Variants in RGS21 observed in about 807,000 individuals in gnomAD.
The protein encoded by RGS21 is regulator of G-protein signalling 21.
A neutral mutation model predicts 18.7 loss-of-function variants in RGS21; 19 were observed. The observed-to-expected ratio is 1.01, with a 90% CI of 0.71 to 1.49. The LOEUF is 1.49. Among genes scored for constraint, RGS21 ranks in the 40% most tolerant of loss-of-function variants. The pLI is 0.00. For synonymous variants in RGS21, 56 were observed against 57.8 expected (o/e 0.97, Z 0.14); for missense variants, 194 against 176.8 (o/e 1.10, Z -0.55).
At chr1:192,350,533 C>CAGCT (rs1659026731) in intron 3 of RGS21, among the ~76,000 whole-genome samples, 2 of 152,264 alleles carry the variant, frequency 1.3e-5, no homozygotes, top group East Asian at 3.9e-4. Flanking sequence ...AGGAAAGGAG[C>CAGCT]AGCTGCTTGG....
intron 4 of RGS21, among the ~76,000 whole-genome samples, chr1:192,363,965 T>G (rs1321089148): frequency 6.6e-6 from 1 of 152,184 alleles, no homozygotes. Context: ...CAGCATCTTG[T>G]ACATAACAGA....
intron 4 of RGS21, among the ~76,000 whole-genome samples, chr1:192,361,369 G>C (rs886683913): frequency 2.6e-5 from 4 of 151,990 alleles, no homozygotes; most frequent in Non-Finnish European, 5.9e-5. Context: ...GACCTGTGGA[G>C]AATAAAAAAT....
At chr1:192,346,628 T>C (rs970824378) in intron 2 of RGS21, among the ~76,000 whole-genome samples, 3 of 152,146 alleles carry the variant, frequency 2.0e-5, no homozygotes, top group African/African-American at 7.2e-5. Flanking sequence ...TTATGATTTC[T>C]ACATCACATC....
At chr1:192,347,433 A>AATT in intron 3 of RGS21, 44 bp downstream of exon 3, 1 of 902,354 alleles carries the variant, frequency 1.1e-6, no homozygotes, top group Non-Finnish European at 1.8e-6. Context: ...ATAATTAAAT[A>AATT]TAAATTATTA....
intron 4 of RGS21, among the ~76,000 whole-genome samples, chr1:192,360,556 T>A (rs572955740): frequency 3.7e-4 from 56 of 152,206 alleles, no homozygotes; most frequent in African/African-American, 1.3e-3. Flanking sequence ...AATTTTTCTT[T>A]CTTTCACCCA....
chr1:192,345,516 A>G (rs910972948), intron 2 of RGS21, among the ~76,000 whole-genome samples: 2 of 152,086 alleles, frequency 1.3e-5, no homozygotes, highest in Admixed American at 6.6e-5. Context: ...TATTTCATAG[A>G]CCAGGCACAC....
intron 4 of RGS21, among the ~76,000 whole-genome samples, chr1:192,356,548 GGA>G (rs1659115083): frequency 6.6e-6 from 1 of 151,732 alleles, no homozygotes; most frequent in African/African-American, 2.4e-5. Context: ...CTACCTGGAA[GGA>G]TATGATGATT....
chr1:192,341,113 C>T (rs1002778044), intron 1 of RGS21, among the ~76,000 whole-genome samples: 4 of 152,134 alleles, frequency 2.6e-5, no homozygotes, highest in South Asian at 2.1e-4. Flanking sequence ...AGGCCACCTA[C>T]GTTCCTTGGC....
chr1:192,322,054 C>G (rs896469747), intron 1 of RGS21, among the ~76,000 whole-genome samples: 1 of 152,090 alleles, frequency 6.6e-6, no homozygotes, highest in East Asian at 1.9e-4. Context: ...ACAAGTGGAA[C>G]GGCTAATCTA....
At chr1:192,320,120 A>G (rs1219759966) in intron 1 of RGS21, among the ~76,000 whole-genome samples, 3 of 152,104 alleles carry the variant, frequency 2.0e-5, no homozygotes, top group Non-Finnish European at 4.4e-5. Context: ...GTAACAACAC[A>G]CACTGGGGCT....
rs185336133 is a variant in RGS21, at chr1:192,327,685, C to T, written c.-61+10580C>T. Among the ~76,000 whole-genome samples, 45 of 152,110 alleles carry T rather than the reference C, an allele frequency of 3.0e-4. No individual in the cohort carries two copies. In the East Asian group the frequency reaches 6.0e-3, roughly 20 times the overall value. ...ACAGGGTTTCACCATGTTGGCCAGG[C>T]TGGTCTTGAACTCCTGACCTCACGT... On this transcript the variant is annotated intron_variant, in intron 1 of 4. Transcript: ENST00000417209.
At chr1:192,333,584 G>C (rs12127977) in intron 1 of RGS21, among the ~76,000 whole-genome samples, 20,965 of 139,908 alleles carry the variant, frequency 0.15, 1,611 homozygotes, top group South Asian at 0.25. Context: ...ATCTCAAAAG[G>C]TCATGTAAGG....
chr1:192,356,021 T>C (rs1232065891), intron 4 of RGS21, among the ~76,000 whole-genome samples: 1 of 151,730 alleles, frequency 6.6e-6, no homozygotes, highest in Non-Finnish European at 1.5e-5. Context: ...AACACATTGG[T>C]AGTTTTTTAA....
At chr1:192,337,433 G>A (rs182685643) in intron 1 of RGS21, among the ~76,000 whole-genome samples, 1 of 151,568 alleles carries the variant, frequency 6.6e-6, no homozygotes, top group East Asian at 1.9e-4. Flanking sequence ...TGTGTACATA[G>A]ATTTCAGTTA....
In RGS21 at chr1:192,328,292, C is replaced by T. The variant is rs1281355309; in HGVS notation, c.-61+11187C>T. On this transcript the variant is annotated intron_variant, in intron 1 of 4. Transcript: ENST00000417209. ...ATTTCATATGTAAAATATATCACCT[C>T]AATTTACAGGATAGGAGGTATAAGA... Among the ~76,000 whole-genome samples the T allele has an allele frequency of 1.3e-5, 2 of 152,084 alleles. 1 individual carries two copies. Among genetic ancestry groups the T allele is most frequent in the Non-Finnish European group, 2.9e-5 (2 of 68,028 alleles).
At chr1:192,359,802 A>G (rs1392417322) in intron 4 of RGS21, among the ~76,000 whole-genome samples, 1 of 150,474 alleles carries the variant, frequency 6.6e-6, no homozygotes, top group East Asian at 1.9e-4. Flanking sequence ...ATATACACAT[A>G]GTAAGTTATA....
intron 1 of RGS21, among the ~76,000 whole-genome samples, chr1:192,323,457 G>T (rs957540162): frequency 1.6e-4 from 25 of 151,990 alleles, no homozygotes; most frequent in African/African-American, 6.0e-4. Context: ...AAGAGAAACT[G>T]AAATGAATAA....
chr1:192,346,254 T>C (rs538342948), intron 2 of RGS21, among the ~76,000 whole-genome samples: 2 of 152,044 alleles, frequency 1.3e-5, no homozygotes, highest in Non-Finnish European at 2.9e-5. Context: ...CAATCAATCC[T>C]AGCAAAAACT....
chr1:192,354,876 T>C (rs1659090460), intron 4 of RGS21, among the ~76,000 whole-genome samples: 2 of 151,732 alleles, frequency 1.3e-5, no homozygotes. Context: ...GCTGATGCAA[T>C]TGGACAATTT....
Sources: allele counts gnomAD v4.1 joint callset (sites outside exome capture counted in the v4.1 genomes callset), GRCh38; gene constraint gnomAD v4.1.1; transcripts MANE v1.5; gene names NCBI Gene and HGNC (gene_info 2026-07-23, HGNC 2026-07-21).